The following CSMD1 variants were observed in gnomAD, a reference collection of about 807,000 sequenced individuals.
The protein encoded by CSMD1 is CUB and sushi domain-containing protein 1.
CSMD1 carries 213 observed loss-of-function variants against 417.5 expected under a neutral mutation model. The observed-to-expected ratio is 0.51, with a 90% CI of 0.46 to 0.57. The LOEUF is 0.57. Ranked by LOEUF, CSMD1 falls within the 20% of genes least tolerant of loss-of-function variation. CSMD1 has a pLI of 0.00. For synonymous variants in CSMD1, 2,862 were observed against 1,736.8 expected, an observed-to-expected ratio of 1.65 and a Z score of -16.11; for missense variants, 6,923 against 4,529.7, an observed-to-expected ratio of 1.53 and a Z score of -15.17.
intron 5 of CSMD1, among the ~76,000 whole-genome samples, chr8:3,844,282 T>C (rs1476062051): frequency 2.6e-5 from 4 of 152,110 alleles, no homozygotes; most frequent in Non-Finnish European, 4.4e-5. Flanking sequence ...TGATATTTAG[T>C]GAGTCAAGGA....
chr8:3,784,096 G>A (rs987475577), intron 5 of CSMD1, among the ~76,000 whole-genome samples: 1 of 152,070 alleles, frequency 6.6e-6, no homozygotes, highest in African/African-American at 2.4e-5. Context: ...GAAAACATTA[G>A]TGTGTTTGGA....
Position 4,096,695 on chromosome 8 carries a change from C to A in CSMD1, c.416-64596G>T, listed in dbSNP as rs999195408. Among the ~76,000 whole-genome samples the A allele has an allele frequency of 2.2e-4, 33 of 152,294 alleles. 1 individual carries two copies. Among genetic ancestry groups the A allele is most frequent in the African/African-American group, 6.5e-4 (27 of 41,568 alleles). ...GCAACAAATTCAGACTTTCCAAAAG[C>A]GTCACTCACTAATCCATAGGTAATC... On this transcript the variant is annotated intron_variant, in intron 3 of 69. Coordinates refer to ENST00000635120, the MANE Select transcript of CSMD1 (RefSeq NM_033225.6).
chr8:3,322,990 T>G (rs938004894), intron 23 of CSMD1, among the ~76,000 whole-genome samples: 1 of 152,220 alleles, frequency 6.6e-6, no homozygotes, highest in Non-Finnish European at 1.5e-5. Context: ...GCCTTCCTCA[T>G]CAGAACCTAA....
rs533958297 is a variant in CSMD1, at chr8:3,911,833, C to G, written c.818+86070G>C. On this transcript the variant is annotated intron_variant, in intron 5 of 69. Transcript: ENST00000635120. ...GTCTAATTAAACTCATTTTCTTAGA[C>G]TGCCACAAACAAAAGATTCTCCTTC... Among the ~76,000 whole-genome samples, 310 of 152,294 alleles carry G rather than the reference C, an allele frequency of 2.0e-3. 1 individual carries two copies. The highest frequency in any genetic ancestry group is 7.1e-3 in the African/African-American group (296 of 41,562).
intron 3 of CSMD1, among the ~76,000 whole-genome samples, chr8:4,044,178 C>G (rs1798032940): frequency 1.3e-5 from 2 of 152,226 alleles, no homozygotes; most frequent in South Asian, 4.1e-4. Flanking sequence ...TGGACTCATT[C>G]ATTCTAAAAG....
chr8:4,674,275 C>G (rs918903695), intron 1 of CSMD1, among the ~76,000 whole-genome samples: 1 of 152,062 alleles, frequency 6.6e-6, no homozygotes, highest in Admixed American at 6.6e-5. Flanking sequence ...TATGTTGAGT[C>G]TGGCATGTGC....
At chr8:3,343,694 C>G (rs922941100) in intron 22 of CSMD1, among the ~76,000 whole-genome samples, 6 of 152,294 alleles carry the variant, frequency 3.9e-5, no homozygotes, top group South Asian at 4.1e-4. Context: ...ATATTCATTA[C>G]TTTAAGAGCT....
intron 6 of CSMD1, among the ~76,000 whole-genome samples, chr8:3,712,207 C>A (rs1371850534): frequency 6.6e-6 from 1 of 152,128 alleles, no homozygotes; most frequent in African/African-American, 2.4e-5. Flanking sequence ...CAACGTTGTA[C>A]AAAAAGGGAA....
At position 3,668,415 on chromosome 8, in the gene CSMD1, T is replaced by G. The variant is rs113890279; in HGVS notation, c.1009+39999A>C. Among the ~76,000 whole-genome samples, 680 of 152,240 alleles carry G rather than the reference T, an allele frequency of 4.5e-3. 6 individuals carry two copies. Among genetic ancestry groups the G allele is most frequent in the South Asian group, 0.022 (104 of 4,822 alleles). On this transcript the variant is annotated intron_variant, in intron 7 of 69. Transcript: ENST00000635120. ...ATATGTATTTTTAAGATAACTCAGG[T>G]AGCTACAGTGTAAGCTGAAGAGATG...
chr8:3,669,689 G>C (rs763434227), intron 7 of CSMD1, among the ~76,000 whole-genome samples: 1 of 152,074 alleles, frequency 6.6e-6, no homozygotes, highest in African/African-American at 2.4e-5. Flanking sequence ...TTCTGTGTGA[G>C]GCGTTATGCT....
intron 3 of CSMD1, among the ~76,000 whole-genome samples, chr8:4,295,750 GTATATATATATATATATATA>G (rs756556655): frequency 1.8e-4 from 6 of 34,238 alleles, no homozygotes; most frequent in African/African-American, 3.8e-4. Flanking sequence ...ATGTGTGTGT[GTATATATATATATATATATA>G]TATATATATA....
At chr8:3,518,966 T>C (rs1219438611) in intron 10 of CSMD1, among the ~76,000 whole-genome samples, 1 of 152,242 alleles carries the variant, frequency 6.6e-6, no homozygotes, top group African/African-American at 2.4e-5. Context: ...AACAATGTTA[T>C]GTAGCACTTT....
At chr8:4,321,246 C>T (rs1443505251) in intron 3 of CSMD1, among the ~76,000 whole-genome samples, 2 of 152,156 alleles carry the variant, frequency 1.3e-5, no homozygotes, top group Non-Finnish European at 2.9e-5. Flanking sequence ...ACAGCTAGTC[C>T]CTGTGGCCCA....
intron 2 of CSMD1, among the ~76,000 whole-genome samples, chr8:4,496,281 G>A (rs942419377): frequency 3.3e-5 from 5 of 152,198 alleles, no homozygotes; most frequent in African/African-American, 1.2e-4. Context: ...GCTGGGATAA[G>A]GTGGATTGAA....
intron 12 of CSMD1, among the ~76,000 whole-genome samples, chr8:3,411,143 C>G (rs530537102): frequency 1.3e-5 from 2 of 152,156 alleles, no homozygotes; most frequent in South Asian, 2.1e-4. Flanking sequence ...CTGGTGTCAT[C>G]TGACTACAGA....
chr8:3,571,865 CCTT>C (rs556791011), intron 10 of CSMD1, among the ~76,000 whole-genome samples: 151 of 152,258 alleles, frequency 9.9e-4, no homozygotes, highest in Admixed American at 5.5e-3. Flanking sequence ...TCTCACGTCT[CCTT>C]CTGGAAACCT....
chr8:3,489,206 T>C (rs1361044508), intron 11 of CSMD1, among the ~76,000 whole-genome samples: 1 of 152,174 alleles, frequency 6.6e-6, no homozygotes, highest in Admixed American at 6.5e-5. Context: ...AGGCAGTGTC[T>C]GGGAGCAAGA....
chr8:4,957,409 A>G (rs1364448432), intron 1 of CSMD1, among the ~76,000 whole-genome samples: 1 of 152,232 alleles, frequency 6.6e-6, no homozygotes, highest in Non-Finnish European at 1.5e-5. Flanking sequence ...TACGGGCACT[A>G]TGGTCGGAAA....
intron 1 of CSMD1, among the ~76,000 whole-genome samples, chr8:4,694,786 C>T (rs892093755): frequency 3.9e-5 from 6 of 152,106 alleles, no homozygotes; most frequent in Admixed American, 2.0e-4. Context: ...CACGGGACTG[C>T]GCGTCCTTAA....
Sources: gnomAD v4.1 joint callset for allele counts (sites outside exome capture counted in the v4.1 genomes callset) on GRCh38, gnomAD v4.1.1 for gene constraint, MANE v1.5 for transcripts, NCBI Gene and HGNC (gene_info 2026-07-23, HGNC 2026-07-21) for gene names.